The following FBN2 variants were observed in gnomAD, a reference collection of about 807,000 sequenced individuals.
FBN2 encodes fibrillin-2.
FBN2 carries 105 observed loss-of-function variants against 355.6 expected under a neutral mutation model. The ratio of observed to expected loss-of-function variants is 0.30; its 90% CI spans 0.25 to 0.35. FBN2 has a LOEUF of 0.35. FBN2 is among the 10% of genes least tolerant of loss of function. FBN2 has a pLI of 1.00. For synonymous variants in FBN2, 1,350 were observed against 1,301.2 expected, an observed-to-expected ratio of 1.04 and a Z score of -0.81; for missense variants, 3,280 against 3,758.7, an observed-to-expected ratio of 0.87 and a Z score of 3.33.
intron 48 of FBN2, among the ~76,000 whole-genome samples, chr5:128,292,041 C>T (rs999483176): frequency 2.6e-4 from 40 of 152,058 alleles, no homozygotes; most frequent in African/African-American, 8.9e-4. Context: ...CATGTCACCC[C>T]TATTTCTCTC....
chr5:128,324,003 CTGGTTTAGTCT>C (rs1750469770), intron 34 of FBN2, among the ~76,000 whole-genome samples: 1 of 152,168 alleles, frequency 6.6e-6, no homozygotes, highest in African/African-American at 2.4e-5. Context: ...CAACTTCTTC[CTGGTTTAGTCT>C]TGGTAGGGTG....
intron 5 of FBN2, among the ~76,000 whole-genome samples, chr5:128,489,212 A>T (rs535722777): frequency 2.0e-5 from 3 of 152,200 alleles, no homozygotes; most frequent in African/African-American, 7.2e-5. Flanking sequence ...AGTTCTAAGA[A>T]GCAAATTAAG....
chr5:128,479,998 A>C (rs1460938645), intron 5 of FBN2, among the ~76,000 whole-genome samples: 3,224 of 65,890 alleles, frequency 0.049, 35 homozygotes, highest in Non-Finnish European at 0.068. Flanking sequence ...ATATATATAT[A>C]TATATATATA....
chr5:128,329,995 C>T (rs1245845982), intron 33 of FBN2, among the ~76,000 whole-genome samples: 1 of 152,108 alleles, frequency 6.6e-6, no homozygotes, highest in African/African-American at 2.4e-5. Context: ...CTTCTAAGTC[C>T]TTTATTTGTA....
At chr5:128,312,831 C>T (rs181335634) in intron 36 of FBN2, 36 bp from the exon 37 acceptor site, 31 of 1,610,470 alleles carry the variant, frequency 1.9e-5, no homozygotes, top group South Asian at 2.2e-5. Flanking sequence ...GTTGCCCTTG[C>T]TTACATAGTA....
At chr5:128,450,002 T>C (rs973346461) in intron 6 of FBN2, among the ~76,000 whole-genome samples, 12 of 152,130 alleles carry the variant, frequency 7.9e-5, no homozygotes, top group East Asian at 7.7e-4. Flanking sequence ...TAACTGTGCA[T>C]GCATGATTAT....
chr5:128,347,690 A>G (rs1219131127), intron 23 of FBN2, among the ~76,000 whole-genome samples: 1 of 152,200 alleles, frequency 6.6e-6, no homozygotes, highest in Non-Finnish European at 1.5e-5. Flanking sequence ...AGACAGAATT[A>G]ATTAATATAG....
At chr5:128,321,431 C>T (rs1011214241) in intron 34 of FBN2, among the ~76,000 whole-genome samples, 1 of 152,104 alleles carries the variant, frequency 6.6e-6, no homozygotes, top group Non-Finnish European at 1.5e-5. Flanking sequence ...TCTCCTAATG[C>T]TATCCCTCCC....
At chr5:128,500,692 C>A (rs1755787181) in intron 5 of FBN2, among the ~76,000 whole-genome samples, 1 of 151,928 alleles carries the variant, frequency 6.6e-6, no homozygotes, top group Non-Finnish European at 1.5e-5. Flanking sequence ...GATCCGCCTG[C>A]CTCGGCCTCC....
At chr5:128,363,664 C>T (rs867680719) in intron 18 of FBN2, among the ~76,000 whole-genome samples, 1 of 152,178 alleles carries the variant, frequency 6.6e-6, no homozygotes, top group African/African-American at 2.4e-5. Context: ...TGTGAGTCAA[C>T]ATGACCGGTG....
chr5:128,406,427 G>A (rs994003532), intron 8 of FBN2, among the ~76,000 whole-genome samples: 4 of 152,132 alleles, frequency 2.6e-5, no homozygotes, highest in Admixed American at 6.5e-5. Context: ...CTCAGCATAC[G>A]ATTTCTTTCC....
chr5:128,450,552 A>G (rs921432328), intron 6 of FBN2, among the ~76,000 whole-genome samples: 3 of 152,152 alleles, frequency 2.0e-5, no homozygotes, highest in African/African-American at 4.8e-5. Flanking sequence ...GCTTAGAGGT[A>G]AATGTATAGC....
chr5:128,288,737 A>T (rs1581190226), intron 52 of FBN2, among the ~76,000 whole-genome samples, 180 bp from the exon 53 acceptor site: 1 of 152,198 alleles, frequency 6.6e-6, no homozygotes, highest in East Asian at 1.9e-4. Context: ...TGAAGGATCA[A>T]TGTGCAATGC....
At chr5:128,415,630 A>G (rs1205310062) in intron 7 of FBN2, among the ~76,000 whole-genome samples, 7 of 152,134 alleles carry the variant, frequency 4.6e-5, no homozygotes, top group African/African-American at 1.2e-4. Context: ...GGTTGATTCC[A>G]TATCTTTGCT....
At chr5:128,261,945 C>G in intron 63 of FBN2, 38 bp from the exon 64 acceptor site, 1 of 1,569,884 alleles carries the variant, frequency 6.4e-7, no homozygotes, top group Non-Finnish European at 8.8e-7. Context: ...GACTTTATCA[C>G]TGACTTGACC....
At chr5:128,505,535 G>A (rs763615366) in intron 5 of FBN2, among the ~76,000 whole-genome samples, 11 of 152,088 alleles carry the variant, frequency 7.2e-5, no homozygotes, top group Non-Finnish European at 1.2e-4. Flanking sequence ...TTTTATACAT[G>A]TATAACCCCA....
In FBN2 at chr5:128,274,588, G is replaced by C. The variant is rs373970388; in HGVS notation, c.7690C>G (p.Gln2564Glu). 273 of 1,606,534 alleles carry C rather than the reference G, an allele frequency of 1.7e-4. No individual in the cohort carries two copies. The South Asian group carries it at 2.3e-3, about 13-fold the overall frequency. The part of the protein sequence containing the change: ...FTCKCPPGFT[Q>E]HHTACIDNNE... ...TTACCGATACAAGCAGTGTGATGCTGTGTGAAACCAGGTGGACATTTACAG... is the reference window on the plus strand; with the variant it reads ...TTACCGATACAAGCAGTGTGATGCTCTGTGAAACCAGGTGGACATTTACAG... The change falls in exon 60 of 65, where the codon CAG becomes GAG. Residue 2564 changes from glutamine to glutamate, a missense_variant. Transcript: ENST00000262464.
chr5:128,324,366 A>C (rs1750481745), intron 34 of FBN2, among the ~76,000 whole-genome samples: 1 of 151,980 alleles, frequency 6.6e-6, no homozygotes, highest in Non-Finnish European at 1.5e-5. Flanking sequence ...GAGTTCTTTT[A>C]ATTGTGATGT....
chr5:128,461,728 A>G (rs1189128441), intron 6 of FBN2, among the ~76,000 whole-genome samples: 1 of 152,140 alleles, frequency 6.6e-6, no homozygotes, highest in Non-Finnish European at 1.5e-5. Flanking sequence ...GGAAGCCATC[A>G]TCCTCTGCAA....
Sources: allele counts gnomAD v4.1 joint callset (sites outside exome capture counted in the v4.1 genomes callset), GRCh38; gene constraint gnomAD v4.1.1; transcripts MANE v1.5; gene names NCBI Gene and HGNC (gene_info 2026-07-23, HGNC 2026-07-21).